LRCH1: variants seen among roughly 807,000 people sequenced by gnomAD.
LRCH1 encodes the protein leucine rich repeats and calponin homology domain containing 1, also known as leucine-rich repeat and calponin homology domain-containing protein 1.
Under a neutral mutation model 94.9 loss-of-function variants are expected in LRCH1, and 23 were observed. That is an observed-to-expected ratio of 0.24 (90% CI 0.17 to 0.34). LRCH1 has a LOEUF of 0.34. Among genes scored for constraint, LRCH1 ranks in the 10% least tolerant of loss-of-function variants. The pLI, the probability that LRCH1 is intolerant of heterozygous loss-of-function variation, is 1.00. For synonymous variants in LRCH1, 364 were observed against 354.9 expected (o/e 1.03, Z -0.29); for missense variants, 790 against 945.9 (o/e 0.84, Z 2.16).
exon 19 of LRCH1, chr13:46,750,705 C>A: frequency 7.9e-7 from 1 of 1,273,426 alleles, no homozygotes; most frequent in Non-Finnish European, 1.1e-6. Flanking sequence ...GGATCCTGAA[C>A]TCTGCTCCAG....
intron 1 of LRCH1, among the ~76,000 whole-genome samples, chr13:46,568,417 C>T (rs2050208114): frequency 6.6e-6 from 1 of 152,174 alleles, no homozygotes; most frequent in Non-Finnish European, 1.5e-5. Context: ...CTACCCATGT[C>T]TAGTTGTGTC....
At chr13:46,623,759 C>T (rs982589950) in intron 1 of LRCH1, among the ~76,000 whole-genome samples, 8 of 146,406 alleles carry the variant, frequency 5.5e-5, no homozygotes, top group South Asian at 4.4e-4. Flanking sequence ...ATGTGTACAA[C>T]GTACAGGTTT....
At chr13:46,593,571 T>TACACAGAACA (rs1165200792) in intron 1 of LRCH1, among the ~76,000 whole-genome samples, 1 of 152,170 alleles carries the variant, frequency 6.6e-6, no homozygotes, top group Non-Finnish European at 1.5e-5. Flanking sequence ...AGAGTGAGGA[T>TACACAGAACA]ATGTTTTGAG....
At chr13:46,703,552 G>A (rs949139091) in intron 11 of LRCH1, among the ~76,000 whole-genome samples, 4 of 152,110 alleles carry the variant, frequency 2.6e-5, no homozygotes, top group Admixed American at 2.6e-4. Context: ...AAGAAGACGT[G>A]AACAATTTGG....
chr13:46,566,585 G>GT (rs568909886), intron 1 of LRCH1, among the ~76,000 whole-genome samples: 33 of 152,302 alleles, frequency 2.2e-4, no homozygotes, highest in Non-Finnish European at 3.7e-4. Context: ...GGCAGTCAGA[G>GT]TATATTTGTA....
chr13:46,637,712 G>GT (rs5803363), intron 1 of LRCH1, among the ~76,000 whole-genome samples: 88,626 of 150,300 alleles, frequency 0.59, 26,056 homozygotes, highest in South Asian at 0.67. Context: ...GCACTTCGTA[G>GT]TTTTTTTTTT....
intron 1 of LRCH1, among the ~76,000 whole-genome samples, chr13:46,621,732 T>C (rs2050881990): frequency 6.6e-6 from 1 of 152,356 alleles, no homozygotes; most frequent in Admixed American, 6.5e-5. Flanking sequence ...TATACAATTA[T>C]ATAAAGCGCA....
At chr13:46,643,458 G>C (rs756594360) in intron 1 of LRCH1, among the ~76,000 whole-genome samples, 10 of 152,110 alleles carry the variant, frequency 6.6e-5, no homozygotes, top group Non-Finnish European at 1.3e-4. Flanking sequence ...TTTAAAGAGG[G>C]ACCAGACGTT....
intron 1 of LRCH1, among the ~76,000 whole-genome samples, chr13:46,644,564 G>A (rs181521077): frequency 6.6e-6 from 1 of 152,330 alleles, no homozygotes; most frequent in African/African-American, 2.4e-5. Flanking sequence ...GGGTGATGCC[G>A]ATCTGGGCAA....
chr13:46,616,314 T>C (rs1243662829), intron 1 of LRCH1, among the ~76,000 whole-genome samples: 1 of 152,198 alleles, frequency 6.6e-6, no homozygotes, highest in Non-Finnish European at 1.5e-5. Context: ...ACTAGACTTT[T>C]ATGCTACGGC....
At chr13:46,705,739 G>T (rs564795370) in intron 13 of LRCH1, 2 of 328,450 alleles carry the variant, frequency 6.1e-6, no homozygotes, top group Non-Finnish European at 5.9e-6. Flanking sequence ...TGGGAATGTC[G>T]AGGAGGATTG....
chr13:46,578,620 A>G (rs1276008654), intron 1 of LRCH1, among the ~76,000 whole-genome samples: 1 of 152,162 alleles, frequency 6.6e-6, no homozygotes, highest in Non-Finnish European at 1.5e-5. Context: ...CAATTCCCTT[A>G]TCCCCTCTAA....
At chr13:46,710,967 C>T (rs17068676) in intron 13 of LRCH1, among the ~76,000 whole-genome samples, 59 of 152,048 alleles carry the variant, frequency 3.9e-4, no homozygotes, top group Non-Finnish European at 6.5e-4. Context: ...CCCTCAATTT[C>T]TTCACTGTCT....
chr13:46,677,161 A>C (rs548316803), intron 3 of LRCH1, among the ~76,000 whole-genome samples: 232 of 151,868 alleles, frequency 1.5e-3, no homozygotes, highest in African/African-American at 5.3e-3. Context: ...TGTAATTCCA[A>C]CACTTTGGGA....
At chr13:46,684,215 C>CT (rs1208744453) in intron 4 of LRCH1, among the ~76,000 whole-genome samples, 4 of 148,398 alleles carry the variant, frequency 2.7e-5, no homozygotes, top group South Asian at 2.2e-4. Context: ...TCTTCTGCTT[C>CT]TTTTTTTTCT....
intron 3 of LRCH1, among the ~76,000 whole-genome samples, chr13:46,677,452 A>C (rs1239290724): frequency 1.3e-5 from 2 of 152,088 alleles, no homozygotes; most frequent in African/African-American, 4.8e-5. Flanking sequence ...AACAAAAAAA[A>C]CTTCTAGTCT....
Position 46,687,921 on chromosome 13 carries a change from G to C in LRCH1, c.892G>C (p.Asp298His). 5 of 1,613,242 alleles carry C rather than the reference G, an allele frequency of 3.1e-6. No individual in the cohort carries two copies. Among genetic ancestry groups the C allele is most frequent in the Non-Finnish European group, 4.2e-6 (5 of 1,179,522 alleles). ...SIQACQIKTADSLYLHTMERP... is the reference protein window; with the variant it reads ...SIQACQIKTAHSLYLHTMERP... Reference sequence around the variant, plus strand: ...ACAAGCATGCCAGATTAAGACAGCTGACTCCCTTTATCTCCACACCATGGA... The same window carrying C: ...ACAAGCATGCCAGATTAAGACAGCTCACTCCCTTTATCTCCACACCATGGA... Residue 298 changes from aspartate to histidine, a missense_variant, in exon 6 of 20, where the codon GAC (aspartate) becomes CAC (histidine). By Grantham distance (81) the Asp-to-His change is moderately conservative (BLOSUM62 -1). Around this residue, in one of 3 missense-constraint regions of LRCH1, gnomAD observed 194 missense variants for 293.5 expected, o/e 0.66. Coordinates refer to ENST00000389797, the MANE Select transcript of LRCH1 (RefSeq NM_001164211.2).
At chr13:46,593,578 T>C (rs918717328) in intron 1 of LRCH1, among the ~76,000 whole-genome samples, 2 of 152,206 alleles carry the variant, frequency 1.3e-5, no homozygotes, top group Non-Finnish European at 2.9e-5. Flanking sequence ...GGATATGTTT[T>C]GAGTAAATTT....
chr13:46,717,363 A>T (rs1872374153), intron 16 of LRCH1: 1 of 152,240 alleles, frequency 6.6e-6, no homozygotes, highest in African/African-American at 2.4e-5. Context: ...AAATTCCAAG[A>T]ATTCACATGC....
Sources: gnomAD v4.1 joint callset for allele counts (sites outside exome capture counted in the v4.1 genomes callset) on GRCh38, gnomAD v4.1.1 for gene constraint, gnomAD v4.1.1 regional missense constraint, MANE v1.5 for transcripts, NCBI Gene and HGNC (gene_info 2026-07-23, HGNC 2026-07-21) for gene names.